The following TMCC1 variants were observed in gnomAD, a reference collection of about 807,000 sequenced individuals.
The protein encoded by TMCC1 is transmembrane and coiled-coil domain family 1.
A neutral mutation model predicts 52.4 loss-of-function variants in TMCC1; 15 were observed. The observed-to-expected ratio is 0.29, with a 90% CI of 0.19 to 0.44. TMCC1 has a LOEUF of 0.44. Ranked by LOEUF, TMCC1 falls within the 20% of genes least tolerant of loss-of-function variation. TMCC1 has a pLI of 1.00. For missense variants in TMCC1, 503 were observed against 806.0 expected (o/e 0.62, Z 4.55); for synonymous variants, 279 against 301.9 (o/e 0.92, Z 0.79).
At chr3:129,737,677 G>A (rs902691146) in intron 4 of TMCC1, among the ~76,000 whole-genome samples, 2 of 151,998 alleles carry the variant, frequency 1.3e-5, no homozygotes, top group Non-Finnish European at 2.9e-5. Context: ...CCAGTCTAGC[G>A]CATTTTGTTA....
chr3:129,714,136 C>T (rs1259981614), intron 4 of TMCC1, among the ~76,000 whole-genome samples: 4 of 152,252 alleles, frequency 2.6e-5, no homozygotes, highest in African/African-American at 7.2e-5. Context: ...GGTGAGGGAA[C>T]GTCAAAGATA....
At chr3:129,863,618 T>C (rs1003333767) in intron 2 of TMCC1, among the ~76,000 whole-genome samples, 1 of 152,198 alleles carries the variant, frequency 6.6e-6, no homozygotes, top group South Asian at 2.1e-4. Context: ...TCCCAGCACT[T>C]TGGGAGGCCG....
intron 2 of TMCC1, among the ~76,000 whole-genome samples, chr3:129,853,417 G>C (rs2060002986): frequency 1.3e-5 from 2 of 152,000 alleles, no homozygotes; most frequent in Non-Finnish European, 2.9e-5. Context: ...TTGAGCCCAG[G>C]AGTTCAAGAC....
At chr3:129,683,887 A>C (rs1168254759) in intron 4 of TMCC1, among the ~76,000 whole-genome samples, 2 of 152,232 alleles carry the variant, frequency 1.3e-5, no homozygotes, top group Non-Finnish European at 2.9e-5. Flanking sequence ...TCCTTTAAAA[A>C]ATATAAAATC....
At chr3:129,754,495 T>A (rs1004002581) in intron 4 of TMCC1, among the ~76,000 whole-genome samples, 1 of 152,166 alleles carries the variant, frequency 6.6e-6, no homozygotes, top group African/African-American at 2.4e-5. Context: ...TACAGGGTAA[T>A]ACCGGAGGAA....
Position 129,891,081 on chromosome 3 carries a change from A to G in TMCC1, c.-435+2413T>C, listed in dbSNP as rs1484402976. 2.0e-5 allele frequency among the ~76,000 whole-genome samples: 3 copies of G among 152,326 alleles called. No homozygotes were observed. In the East Asian group the frequency reaches 5.8e-4, roughly 29 times the overall value. ...AAGAGCAGCTCATCTGCACCTGCAG[A>G]CCTTTGCACTCACTGTTTCATTTAC... On this transcript the variant is annotated intron_variant, in intron 1 of 6. Transcript: ENST00000393238.
chr3:129,885,901 C>T (rs2061675280), intron 1 of TMCC1, among the ~76,000 whole-genome samples: 1 of 151,888 alleles, frequency 6.6e-6, no homozygotes, highest in Non-Finnish European at 1.5e-5. Context: ...CACGACCACG[C>T]CCAGCTAATT....
intron 4 of TMCC1, among the ~76,000 whole-genome samples, chr3:129,765,121 CAA>C (rs1187730703): frequency 8.1e-6 from 1 of 123,858 alleles, no homozygotes; most frequent in Non-Finnish European, 1.9e-5. Flanking sequence ...GATTCTATTC[CAA>C]AGTTTCAAAT....
At chr3:129,851,355 G>A (rs745976508) in intron 2 of TMCC1, among the ~76,000 whole-genome samples, 1 of 152,154 alleles carries the variant, frequency 6.6e-6, no homozygotes, top group Non-Finnish European at 1.5e-5. Context: ...TGTCAGTTGA[G>A]TGGATCAAAC....
At chr3:129,679,882 T>C (rs2088819023) in intron 4 of TMCC1, among the ~76,000 whole-genome samples, 1 of 152,006 alleles carries the variant, frequency 6.6e-6, no homozygotes, top group Non-Finnish European at 1.5e-5. Flanking sequence ...TTTTTGGGTG[T>C]GCTATGTTCC....
intron 4 of TMCC1, among the ~76,000 whole-genome samples, chr3:129,708,193 A>G (rs531179056): frequency 6.6e-6 from 1 of 152,276 alleles, no homozygotes; most frequent in Non-Finnish European, 1.5e-5. Flanking sequence ...ATTCTTTCCA[A>G]CTATTAGGAG....
intron 4 of TMCC1, among the ~76,000 whole-genome samples, chr3:129,695,501 T>C (rs1379413736): frequency 6.6e-6 from 1 of 152,102 alleles, no homozygotes; most frequent in Admixed American, 6.6e-5. Flanking sequence ...CTTACAATCA[T>C]GGCGGAAGGG....
Position 129,673,162 on chromosome 3 carries a change from TC to T in TMCC1, c.577-1899del, listed in dbSNP as rs987327705. Among the ~76,000 whole-genome samples the T allele has an allele frequency of 2.6e-5, 4 of 152,246 alleles. No individual in the cohort carries two copies. The East Asian group carries it at 7.7e-4, about 29-fold the overall frequency. On this transcript the variant is annotated intron_variant, in intron 4 of 6. Coordinates refer to ENST00000393238, the MANE Select transcript of TMCC1 (RefSeq NM_001017395.5). ...AGCACAATAACTGTTTTGTGTCACTTCCTCCTTCTGCCCAATTCATCTTTTG... is the reference window on the plus strand; with the variant it reads ...AGCACAATAACTGTTTTGTGTCACTTCTCCTTCTGCCCAATTCATCTTTTG...
chr3:129,827,836 T>G lies in TMCC1; in HGVS notation c.543A>C (p.Ala181=). 1 of 1,601,146 alleles carries G rather than the reference T, an allele frequency of 6.2e-7. No homozygotes were observed. The highest frequency in any genetic ancestry group is 8.5e-7 in the Non-Finnish European group (1 of 1,171,178). ...IACAAAAAAA[A]CLPGEEGTAE... ...CAGTTCCCTCCTCTCCTGGTAGACA[T>G]GCAGCAGCAGCAGCAGCAGCAGCAC... The change falls in exon 4 of 7, where the codon GCA becomes GCC. Residue 181 remains alanine, a synonymous_variant. Transcript: ENST00000393238.
chr3:129,706,279 C>T (rs2048238490), intron 4 of TMCC1, among the ~76,000 whole-genome samples: 1 of 152,072 alleles, frequency 6.6e-6, no homozygotes, highest in East Asian at 1.9e-4. Flanking sequence ...TCTCGGCTTA[C>T]TGCAACCTCC....
intron 4 of TMCC1, among the ~76,000 whole-genome samples, chr3:129,797,432 T>A (rs1391248593): frequency 6.6e-6 from 1 of 151,916 alleles, no homozygotes; most frequent in Non-Finnish European, 1.5e-5. Flanking sequence ...AAAAATTACC[T>A]AACCAAAATG....
chr3:129,668,713 C>T (rs368509835), intron 5 of TMCC1, among the ~76,000 whole-genome samples: 5 of 152,340 alleles, frequency 3.3e-5, no homozygotes, highest in African/African-American at 1.2e-4. Context: ...GCAACCTCTG[C>T]CTCCTGGGTT....
Position 129,827,819 on chromosome 3 carries a change from T to C in TMCC1, c.560A>G (p.Glu187Gly), listed in dbSNP as rs1313994886. 2 of 1,613,290 alleles carry C rather than the reference T, an allele frequency of 1.2e-6. No homozygotes were observed. The highest frequency in any genetic ancestry group is 2.7e-5 in the African/African-American group (2 of 74,900). The change falls in exon 4 of 7, where the codon GAG becomes GGG. Residue 187 changes from glutamate (E) to glycine (G), a missense_variant. This residue lies in a region of TMCC1 where 217 missense variants were observed against 297.9 expected (regional missense o/e 0.73). Transcript: ENST00000393238. Reference sequence around the variant, plus strand: ...CAAACTTACCCGCTCCGCAGTTCCCTCCTCTCCTGGTAGACATGCAGCAGC... The same window carrying C: ...CAAACTTACCCGCTCCGCAGTTCCCCCCTCTCCTGGTAGACATGCAGCAGC... Reference protein sequence around the residue: ...AAAAACLPGEEGTAERIERLE... With the variant: ...AAAAACLPGEGGTAERIERLE...
chr3:129,668,546 T>C (rs2087656661), intron 5 of TMCC1, among the ~76,000 whole-genome samples: 1 of 152,174 alleles, frequency 6.6e-6, no homozygotes, highest in South Asian at 2.1e-4. Context: ...GACACAGGTG[T>C]TTTACTTTTA....
Sources: allele counts gnomAD v4.1 joint callset (sites outside exome capture counted in the v4.1 genomes callset), GRCh38; gene constraint gnomAD v4.1.1; regional missense constraint gnomAD v4.1.1; transcripts MANE v1.5; gene names NCBI Gene and HGNC (gene_info 2026-07-23, HGNC 2026-07-21).